Variants in CA8 observed in about 807,000 individuals in gnomAD.
CA8 encodes carbonic anhydrase-related protein.
In CA8, 22 loss-of-function variants were observed where a neutral mutation model predicts 41.4. The observed-to-expected ratio is 0.53, with a 90% CI of 0.38 to 0.76. CA8 has a LOEUF of 0.76. CA8 is among the 30% of genes least tolerant of loss of function. CA8 has a pLI of 0.00. For missense variants in CA8, 270 were observed against 352.8 expected (o/e 0.77, Z 1.88); for synonymous variants, 121 against 130.6 (o/e 0.93, Z 0.50).
rs189505820 is a variant in CA8 at position 60,228,995 on chromosome 8, G to A, written c.514-2060C>T. 7.3e-4 allele frequency among the ~76,000 whole-genome samples: 111 copies of A among 152,232 alleles called. 1 individual carries two copies. Among genetic ancestry groups the A allele is most frequent in the Admixed American group, 2.1e-3 (32 of 15,284 alleles). On this transcript the variant is annotated intron_variant, in intron 4 of 8. Coordinates refer to ENST00000317995, the MANE Select transcript of CA8 (RefSeq NM_004056.6). ...TCTCCACACCCCAGCTGCTAAAACC[G>A]TGCAAGCAGCTGTTCAGATAACACA...
intron 7 of CA8, among the ~76,000 whole-genome samples, chr8:60,221,265 T>C (rs988982721): frequency 1.3e-5 from 2 of 152,240 alleles, no homozygotes; most frequent in African/African-American, 4.8e-5. Flanking sequence ...TCCATATGTG[T>C]TTCCAGAGCA....
intron 3 of CA8, among the ~76,000 whole-genome samples, chr8:60,256,394 G>A (rs1459338248): frequency 2.0e-5 from 3 of 152,086 alleles, no homozygotes; most frequent in Admixed American, 6.6e-5. Context: ...TGTTGCCTAG[G>A]GAACCATGTC....
intron 8 of CA8, among the ~76,000 whole-genome samples, chr8:60,195,500 G>A (rs1475751855): frequency 6.6e-6 from 1 of 152,186 alleles, no homozygotes; most frequent in Non-Finnish European, 1.5e-5. Context: ...CCCTCTTTAA[G>A]TACAGTAATT....
rs1428866990 is a variant in CA8 at position 60,186,546 on chromosome 8, A to C, written c.*3475T>G. On this transcript the variant is annotated 3_prime_UTR_variant, in exon 9 of 9. Coordinates refer to ENST00000317995, the MANE Select transcript of CA8 (RefSeq NM_004056.6). The stretch of plus-strand genomic sequence containing the variant: ...AACAAAAAGTAAAATGGCAGACACA[A>C]ATCCAACTATATAAACAATAACATT... 1.3e-5 allele frequency among the ~76,000 whole-genome samples: 2 copies of C among 152,066 alleles called. No individual in the cohort carries two copies. Among genetic ancestry groups the C allele is most frequent in the East Asian group, 1.9e-4 (1 of 5,184 alleles).
In CA8 at chr8:60,185,447, TA is replaced by T. The variant is rs943816492; in HGVS notation, c.*4573del. ...AACATCCCAAATTTAATATTTTTCT[TA>T]AAAAAAATCATTCATCTACATACCC... On this transcript the variant is annotated 3_prime_UTR_variant, in exon 9 of 9. Coordinates refer to ENST00000317995, the MANE Select transcript of CA8 (RefSeq NM_004056.6). Among the ~76,000 whole-genome samples the T allele has an allele frequency of 5.3e-5, 8 of 151,580 alleles. No individual in the cohort carries two copies. Among genetic ancestry groups the T allele is most frequent in the Admixed American group, 3.3e-4 (5 of 15,170 alleles).
intron 3 of CA8, among the ~76,000 whole-genome samples, chr8:60,246,593 C>T (rs1249887117): frequency 2.6e-5 from 4 of 152,026 alleles, no homozygotes; most frequent in Admixed American, 6.6e-5. Context: ...CCACTGTGCC[C>T]GGCCACACAT....
At chr8:60,234,258 G>C (rs72665109) in intron 3 of CA8, among the ~76,000 whole-genome samples, 11,053 of 152,240 alleles carry the variant, frequency 0.073, 560 homozygotes, top group Non-Finnish European at 0.11. Flanking sequence ...TCAGAAACAA[G>C]GAAAGCCTGA....
At chr8:60,214,983 G>A (rs1323830869) in intron 7 of CA8, among the ~76,000 whole-genome samples, 5 of 151,980 alleles carry the variant, frequency 3.3e-5, no homozygotes, top group African/African-American at 9.7e-5. Context: ...AAGTAGGGAG[G>A]GAATGCAGAA....
chr8:60,229,968 T>A (rs1807583576), intron 4 of CA8, among the ~76,000 whole-genome samples: 2 of 152,222 alleles, frequency 1.3e-5, no homozygotes, highest in Non-Finnish European at 2.9e-5. Context: ...CCATACCCTG[T>A]CCTGTATGAT....
chr8:60,279,668 C>G, intron 2 of CA8, 21 bp downstream of exon 2: 1 of 1,606,420 alleles, frequency 6.2e-7, no homozygotes, highest in Non-Finnish European at 8.5e-7. Flanking sequence ...AAAGACCACA[C>G]AAACATATTT....
At chr8:60,263,215 A>G (rs1283283097) in intron 3 of CA8, among the ~76,000 whole-genome samples, 1 of 151,920 alleles carries the variant, frequency 6.6e-6, no homozygotes, top group African/African-American at 2.4e-5. Flanking sequence ...CCCAGCTACC[A>G]TGGAGGCTGA....
In CA8 at chr8:60,230,038, C is replaced by G. The variant is rs139380589; in HGVS notation, c.513+2246G>C. ...TGACTGCCAAATATATTATCATCCC[C>G]TTCTGGTCTATTTCAAGACTCAATC... On this transcript the variant is annotated intron_variant, in intron 4 of 8. Transcript: ENST00000317995. Among the ~76,000 whole-genome samples the G allele has an allele frequency of 2.2e-3, 333 of 152,318 alleles. 1 individual carries two copies. The highest frequency in any genetic ancestry group is 7.6e-3 in the African/African-American group (317 of 41,568).
rs1008176665 is a variant in CA8, at chr8:60,264,653, G to C, written c.417+1272C>G. On this transcript the variant is annotated intron_variant, in intron 3 of 8. Transcript: ENST00000317995. ...GGGGGCCTTCCCCATCAAGGCCTTT[G>C]AGAAAGTGCTTCTCCTTACTGTCCA... 2.0e-5 allele frequency among the ~76,000 whole-genome samples: 3 copies of C among 152,190 alleles called. No homozygotes were observed. In the East Asian group the frequency reaches 5.8e-4, roughly 29 times the overall value.
intron 8 of CA8, among the ~76,000 whole-genome samples, chr8:60,203,837 T>C (rs907747688): frequency 2.0e-5 from 3 of 152,190 alleles, no homozygotes; most frequent in African/African-American, 7.2e-5. Context: ...AAAATTCACT[T>C]CATTTTCCTC....
In CA8 at chr8:60,187,335, G is replaced by C. The variant is rs1805992278; in HGVS notation, c.*2686C>G. 6.6e-6 allele frequency: 1 copy of C among 152,030 alleles called. No individual in the cohort carries two copies. The highest frequency in any genetic ancestry group is 1.5e-5 in the Non-Finnish European group (1 of 67,954). 9.4% of individuals were successfully genotyped at this position (152,030 alleles called of 1,614,324 possible). ...TTGGATGCAGCTAAAGCAATGCTCA[G>C]AGGAAAATTTATAACTGTTAATGCC... On this transcript the variant is annotated 3_prime_UTR_variant, in exon 9 of 9. Transcript: ENST00000317995.
chr8:60,279,408 T>G (rs1015867597), intron 2 of CA8, among the ~76,000 whole-genome samples: 6 of 152,228 alleles, frequency 3.9e-5, no homozygotes, highest in Non-Finnish European at 8.8e-5. Context: ...GTACCTGTCC[T>G]CATATTTCAC....
intron 8 of CA8, among the ~76,000 whole-genome samples, chr8:60,204,939 G>C (rs1371385724): frequency 6.6e-6 from 1 of 152,068 alleles, no homozygotes; most frequent in Non-Finnish European, 1.5e-5. Flanking sequence ...CTTCTAACCT[G>C]TAACTCTTTT....
chr8:60,279,586 T>C, intron 2 of CA8, 103 bp downstream of exon 2: 1 of 976,142 alleles, frequency 1.0e-6, no homozygotes. Flanking sequence ...AAAATAGAGA[T>C]ACGTCAGTTG....
At chr8:60,257,694 T>C (rs1200942520) in intron 3 of CA8, among the ~76,000 whole-genome samples, 1 of 152,198 alleles carries the variant, frequency 6.6e-6, no homozygotes, top group East Asian at 1.9e-4. Flanking sequence ...TGATTCTCAT[T>C]TTGTTGGGTT....
Sources: allele counts gnomAD v4.1 joint callset (sites outside exome capture counted in the v4.1 genomes callset), GRCh38; gene constraint gnomAD v4.1.1; transcripts MANE v1.5; gene names NCBI Gene and HGNC (gene_info 2026-07-23, HGNC 2026-07-21).